The following NUGGC variants were observed in gnomAD, a reference collection of about 807,000 sequenced individuals.
NUGGC encodes the protein nuclear GTPase, germinal center associated.
Under a neutral mutation model 92.6 loss-of-function variants are expected in NUGGC, and 58 were observed. The ratio of observed to expected loss-of-function variants is 0.63; its 90% CI spans 0.51 to 0.78. The LOEUF is 0.78. Ranked by LOEUF, NUGGC falls within the 30% of genes least tolerant of loss-of-function variation. The probability of loss-of-function intolerance (pLI) is 0.00; values close to 1 mark genes in which losing one functional copy is unlikely to be tolerated. For synonymous variants in NUGGC, 376 were observed against 366.4 expected (o/e 1.03, Z -0.30); for missense variants, 925 against 964.6 (o/e 0.96, Z 0.54).
At chr8:28,079,320 T>A (rs1452133031) in intron 1 of NUGGC, among the ~76,000 whole-genome samples, 2 of 152,084 alleles carry the variant, frequency 1.3e-5, no homozygotes, top group East Asian at 3.9e-4. Context: ...AGCAGGTGGA[T>A]CACAAGGTCA....
intron 14 of NUGGC, 136 bp from the exon 15 acceptor site, chr8:28,031,517 A>C: frequency 1.2e-6 from 1 of 830,562 alleles, no homozygotes; most frequent in Non-Finnish European, 1.9e-6. Context: ...AATCCCTATA[A>C]TGTGCCAGGC....
intron 6 of NUGGC, among the ~76,000 whole-genome samples, chr8:28,065,647 C>A (rs575076084): frequency 6.6e-6 from 1 of 152,044 alleles, no homozygotes; most frequent in Non-Finnish European, 1.5e-5. Context: ...GACAGTAAAT[C>A]GCAACTGGGG....
chr8:28,056,623 A>C (rs1469503445), intron 9 of NUGGC, among the ~76,000 whole-genome samples: 1 of 152,188 alleles, frequency 6.6e-6, no homozygotes, highest in African/African-American at 2.4e-5. Flanking sequence ...CAAACCCTGT[A>C]GCCTAGAAGT....
chr8:28,075,803 C>T (rs1467789443), intron 1 of NUGGC, among the ~76,000 whole-genome samples: 2 of 152,096 alleles, frequency 1.3e-5, no homozygotes, highest in African/African-American at 4.8e-5. Context: ...GGGTGAGAAC[C>T]CCTATTAAGT....
intron 16 of NUGGC, 73 bp downstream of exon 16, chr8:28,030,237 G>A (rs141207605): frequency 5.2e-4 from 429 of 817,248 alleles, no homozygotes; most frequent in Non-Finnish European, 8.0e-4. Flanking sequence ...TGAGGGAGCC[G>A]CAGAAAAGGA....
At position 28,047,604 on chromosome 8, in the gene NUGGC, C is replaced by A; in HGVS notation, c.1215G>T (p.Leu405=). The part of the protein sequence containing the change: ...RILKEKLKRK[L]PADFKVLEAS... The stretch of plus-strand genomic sequence containing the variant: ...CTTCCAGAACCTTGAAGTCAGCTGG[C>A]AGTTTTCTCTGAAGTGAGAGAGTCA... Residue 405 remains leucine, a synonymous_variant, in exon 11 of 19, where the codon CTG becomes CTT. Coordinates refer to ENST00000413272, the MANE Select transcript of NUGGC (RefSeq NM_001010906.2). 1.9e-6 allele frequency: 3 copies of A among 1,553,944 alleles called. No individual in the cohort carries two copies. Among genetic ancestry groups the A allele is most frequent in the South Asian group, 1.2e-5 (1 of 84,196 alleles).
intron 10 of NUGGC, among the ~76,000 whole-genome samples, chr8:28,052,629 C>T (rs78011402): frequency 0.015 from 2,239 of 152,236 alleles, 58 homozygotes; most frequent in African/African-American, 0.051. Context: ...GGGAGCATGG[C>T]GCTGCTAATA....
At chr8:28,053,328 C>T (rs1342381936) in intron 10 of NUGGC, among the ~76,000 whole-genome samples, 2 of 152,016 alleles carry the variant, frequency 1.3e-5, no homozygotes, top group South Asian at 2.1e-4. Context: ...TGGTGCATAC[C>T]GGTATACCGG....
intron 16 of NUGGC, among the ~76,000 whole-genome samples, 198 bp from the exon 17 acceptor site, chr8:28,029,600 A>ATTAGCTG (rs1809362089): frequency 6.6e-6 from 1 of 151,946 alleles, no homozygotes; most frequent in African/African-American, 2.4e-5. Flanking sequence ...AAATACAAAA[A>ATTAGCTG]TTAGCTGGGC....
chr8:28,054,589 C>A (rs1013641663), intron 10 of NUGGC, among the ~76,000 whole-genome samples: 2 of 152,216 alleles, frequency 1.3e-5, no homozygotes, highest in Non-Finnish European at 2.9e-5. Context: ...GCAGCTCAGG[C>A]CTTATCCCTG....
chr8:28,065,762 T>A (rs560494010), intron 6 of NUGGC, among the ~76,000 whole-genome samples: 1 of 152,202 alleles, frequency 6.6e-6, no homozygotes, highest in Non-Finnish European at 1.5e-5. Context: ...TTAAGAGAGT[T>A]TAAATTAAAT....
In NUGGC at chr8:28,067,634, G is replaced by T. The variant is rs540150509; in HGVS notation, c.591C>A (p.Thr197=). ...TTCCATAAATCATTTGTAGCTTCCA[G>T]GTGGCTTCCTCCACTGCCTCATCCC... is the stretch of plus-strand genomic sequence containing the variant. ...WNRDEAVEEA[T]WKLQMIYGNG... Residue 197 remains threonine, a synonymous_variant, in exon 6 of 19, where the codon ACC becomes ACA. Coordinates refer to ENST00000413272, the MANE Select transcript of NUGGC (RefSeq NM_001010906.2). The T allele has an allele frequency of 6.2e-7, 1 of 1,613,926 alleles. No homozygotes were observed. The highest frequency in any genetic ancestry group is 8.5e-7 in the Non-Finnish European group (1 of 1,179,796).
chr8:28,078,571 T>G (rs779077985), intron 1 of NUGGC, among the ~76,000 whole-genome samples: 2 of 152,136 alleles, frequency 1.3e-5, no homozygotes, highest in Admixed American at 1.3e-4. Context: ...AGGTTTCCCA[T>G]GTGTAAGGCA....
chr8:28,074,430 T>C lies in NUGGC; in HGVS notation c.-20A>G. The stretch of plus-strand genomic sequence containing the variant: ...TGCCATTCCTTGTTACGTGAACTCC[T>C]GCTCTTCTCAGTTCAGGAGAACCAG... On this transcript the variant is annotated 5_prime_UTR_variant, in exon 2 of 19. Coordinates refer to ENST00000413272, the MANE Select transcript of NUGGC (RefSeq NM_001010906.2). 1 of 1,613,414 alleles carries C rather than the reference T, an allele frequency of 6.2e-7. No homozygotes were observed. Among genetic ancestry groups the C allele is most frequent in the Non-Finnish European group, 8.5e-7 (1 of 1,179,556 alleles).
intron 11 of NUGGC, 99 bp from the exon 12 acceptor site, chr8:28,045,759 A>G: frequency 7.7e-7 from 1 of 1,303,400 alleles, no homozygotes; most frequent in Non-Finnish European, 1.1e-6. Context: ...ATATGAATGA[A>G]GTAGAGTTGA....
intron 7 of NUGGC, among the ~76,000 whole-genome samples, chr8:28,061,790 G>T (rs191608938): frequency 5.3e-4 from 81 of 152,152 alleles, no homozygotes; most frequent in African/African-American, 1.6e-3. Context: ...GACAACCTTG[G>T]GGGGGTACTT....
chr8:28,079,443 T>C (rs1410586309), intron 1 of NUGGC, among the ~76,000 whole-genome samples: 1 of 152,008 alleles, frequency 6.6e-6, no homozygotes, highest in East Asian at 1.9e-4. Flanking sequence ...AGGAGGCTGA[T>C]GCAGGAGAAT....
At chr8:28,042,137 C>T (rs767578081) in intron 12 of NUGGC, among the ~76,000 whole-genome samples, 3 of 152,154 alleles carry the variant, frequency 2.0e-5, no homozygotes, top group Admixed American at 6.5e-5. Context: ...TGTGAGGCCT[C>T]CCCAGGCACA....
At chr8:28,053,098 A>G (rs1423673486) in intron 10 of NUGGC, among the ~76,000 whole-genome samples, 14 of 152,170 alleles carry the variant, frequency 9.2e-5, no homozygotes, top group African/African-American at 3.4e-4. Context: ...CCAAAAAAAA[A>G]AGTGATGGAA....
Sources: gnomAD v4.1 joint callset for allele counts (sites outside exome capture counted in the v4.1 genomes callset) on GRCh38, gnomAD v4.1.1 for gene constraint, MANE v1.5 for transcripts, NCBI Gene and HGNC (gene_info 2026-07-23, HGNC 2026-07-21) for gene names.